DIPK1A: variants seen among roughly 807,000 people sequenced by gnomAD.
DIPK1A encodes the protein divergent protein kinase domain 1A, also known as family with sequence similarity 69 member A.
In DIPK1A, 27 loss-of-function variants were observed where a neutral mutation model predicts 40.8. That is an observed-to-expected ratio of 0.66 (90% CI 0.49 to 0.91). DIPK1A has a LOEUF of 0.91. DIPK1A is among the 40% of genes least tolerant of loss of function. The probability of loss-of-function intolerance (pLI) is 0.00; values close to 1 mark genes in which losing one functional copy is unlikely to be tolerated. For synonymous variants in DIPK1A, 166 were observed against 171.3 expected, an observed-to-expected ratio of 0.97 and a Z score of 0.24; for missense variants, 412 against 505.7, an observed-to-expected ratio of 0.81 and a Z score of 1.78.
intron 1 of DIPK1A, among the ~76,000 whole-genome samples, chr1:92,894,140 G>T (rs1205094637): frequency 6.6e-6 from 1 of 152,224 alleles, no homozygotes; most frequent in Admixed American, 6.5e-5. Flanking sequence ...ACTCAGCTCT[G>T]CACCAAGCGG....
At chr1:92,834,334 G>C (rs1687033217) in intron 4 of DIPK1A, among the ~76,000 whole-genome samples, 1 of 152,242 alleles carries the variant, frequency 6.6e-6, no homozygotes, top group African/African-American at 2.4e-5. Context: ...TTTAGGAAGT[G>C]TCAGTTTTGC....
At chr1:92,945,196 A>T (rs1651313837) in intron 1 of DIPK1A, among the ~76,000 whole-genome samples, 1 of 152,178 alleles carries the variant, frequency 6.6e-6, no homozygotes, top group Non-Finnish European at 1.5e-5. Context: ...TTCACCACAG[A>T]ATATGAAATA....
At chr1:92,867,865 T>C (rs1283552248) in intron 2 of DIPK1A, among the ~76,000 whole-genome samples, 1 of 152,152 alleles carries the variant, frequency 6.6e-6, no homozygotes, top group Non-Finnish European at 1.5e-5. Flanking sequence ...AGCAATGATT[T>C]CAGCTTGGAG....
chr1:92,940,650 A>G (rs79210625), intron 1 of DIPK1A, among the ~76,000 whole-genome samples: 1,718 of 152,334 alleles, frequency 0.011, 21 homozygotes, highest in African/African-American at 0.034. Context: ...TAATTTGAAA[A>G]CTATATACCC....
intron 1 of DIPK1A, among the ~76,000 whole-genome samples, chr1:92,880,363 ATGAT>A (rs749066486): frequency 3.9e-4 from 60 of 152,358 alleles, no homozygotes; most frequent in Middle Eastern, 6.8e-3. Flanking sequence ...ACTAGAGTAA[ATGAT>A]TGCCAATATT....
chr1:92,859,316 T>TAACA (rs1044555403), intron 2 of DIPK1A, among the ~76,000 whole-genome samples: 1 of 152,176 alleles, frequency 6.6e-6, no homozygotes, highest in Non-Finnish European at 1.5e-5. Context: ...TCAACGATAC[T>TAACA]AAATCTTCAC....
intron 1 of DIPK1A, among the ~76,000 whole-genome samples, chr1:92,926,083 T>C (rs1481702586): frequency 6.6e-6 from 1 of 152,204 alleles, no homozygotes; most frequent in Non-Finnish European, 1.5e-5. Context: ...ATATCTGCTA[T>C]TGTCTTTACT....
chr1:92,878,478 A>C (rs1035335349), intron 1 of DIPK1A, among the ~76,000 whole-genome samples: 1 of 152,138 alleles, frequency 6.6e-6, no homozygotes, highest in African/African-American at 2.4e-5. Context: ...TGAGGTGAGG[A>C]GTTCAAGACC....
At chr1:92,936,036 T>C (rs1650932028) in intron 1 of DIPK1A, among the ~76,000 whole-genome samples, 1 of 152,030 alleles carries the variant, frequency 6.6e-6, no homozygotes, top group South Asian at 2.1e-4. Flanking sequence ...CAATGAGCTA[T>C]GATCACGCCA....
At chr1:92,884,161 A>G (rs982102091) in intron 1 of DIPK1A, among the ~76,000 whole-genome samples, 1 of 152,162 alleles carries the variant, frequency 6.6e-6, no homozygotes, top group African/African-American at 2.4e-5. Flanking sequence ...AGTATTAGAA[A>G]TTGTTCATGA....
chr1:92,852,717 AAGAC>A (rs1333247779), intron 2 of DIPK1A, among the ~76,000 whole-genome samples: 1 of 152,102 alleles, frequency 6.6e-6, no homozygotes, highest in Middle Eastern at 3.2e-3. Context: ...AATGAGGGGA[AAGAC>A]AGACAGGGAT....
intron 1 of DIPK1A, among the ~76,000 whole-genome samples, chr1:92,936,640 A>G (rs1382233821): frequency 6.6e-6 from 1 of 151,916 alleles, no homozygotes; most frequent in African/African-American, 2.4e-5. Context: ...AAAAAAAAAA[A>G]AAAGAAAAGA....
chr1:92,871,246 A>G (rs959685566), intron 2 of DIPK1A, among the ~76,000 whole-genome samples: 1 of 151,506 alleles, frequency 6.6e-6, no homozygotes, highest in South Asian at 2.1e-4. Context: ...GCTCACTGCA[A>G]CCTCCTCCTC....
At chr1:92,862,247 T>C (rs1325790241) in intron 2 of DIPK1A, among the ~76,000 whole-genome samples, 1 of 152,146 alleles carries the variant, frequency 6.6e-6, no homozygotes, top group Non-Finnish European at 1.5e-5. Context: ...TTGCCTCGAT[T>C]TGGATAACCT....
intron 1 of DIPK1A, among the ~76,000 whole-genome samples, chr1:92,914,856 T>TG (rs1387894918): frequency 6.8e-6 from 1 of 146,654 alleles, no homozygotes. Context: ...GAGGCTGAGG[T>TG]GGGGGGATTG....
intron 1 of DIPK1A, among the ~76,000 whole-genome samples, chr1:92,893,618 C>T (rs900274555): frequency 1.3e-5 from 2 of 150,274 alleles, no homozygotes; most frequent in African/African-American, 2.5e-5. Context: ...AACCAGCTAA[C>T]ATCATAATGA....
At chr1:92,957,460 T>A (rs961380012) in intron 1 of DIPK1A, among the ~76,000 whole-genome samples, 2 of 152,236 alleles carry the variant, frequency 1.3e-5, no homozygotes, top group Non-Finnish European at 2.9e-5. Context: ...CATGGAACTG[T>A]AAATTAGCTT....
At chr1:92,902,003 G>C (rs1557477471) in intron 1 of DIPK1A, among the ~76,000 whole-genome samples, 1 of 152,212 alleles carries the variant, frequency 6.6e-6, no homozygotes, top group East Asian at 1.9e-4. Flanking sequence ...GATTACCTAG[G>C]GGGTGAAGTG....
chr1:92,940,981 GT>G (rs1187976686), intron 1 of DIPK1A, among the ~76,000 whole-genome samples: 1 of 151,952 alleles, frequency 6.6e-6, no homozygotes, highest in Non-Finnish European at 1.5e-5. Flanking sequence ...TTAAAACTGA[GT>G]TTTGAGAGTT....
Sources: allele counts gnomAD v4.1 joint callset (sites outside exome capture counted in the v4.1 genomes callset), GRCh38; gene constraint gnomAD v4.1.1; transcripts MANE v1.5; gene names NCBI Gene and HGNC (gene_info 2026-07-23, HGNC 2026-07-21).